IQGAP3: variants seen among roughly 807,000 people sequenced by gnomAD.
IQGAP3 encodes the protein IQ motif containing GTPase activating protein 3.
In IQGAP3, 165 loss-of-function variants were observed where a neutral mutation model predicts 208.2. The ratio of observed to expected loss-of-function variants is 0.79; its 90% CI spans 0.70 to 0.90. The LOEUF is 0.90. Among genes scored for constraint, IQGAP3 ranks in the 40% least tolerant of loss-of-function variants. The pLI, the probability that IQGAP3 is intolerant of heterozygous loss-of-function variation, is 0.00. For missense variants in IQGAP3, 1,811 were observed against 2,043.1 expected (o/e 0.89, Z 2.19); for synonymous variants, 703 against 803.6 (o/e 0.87, Z 2.12).
chr1:156,531,125 T>C (rs1175735394), intron 33 of IQGAP3, 35 bp downstream of exon 33: 1 of 1,468,974 alleles, frequency 6.8e-7, no homozygotes, highest in Non-Finnish European at 9.5e-7. Context: ...GGGGGATGAA[T>C]GAGACAGAAC....
In IQGAP3 at chr1:156,528,505, A is replaced by G. The variant is rs923558887; in HGVS notation, c.4673+4T>C. ...CTGACATCCTGCCCTCCAAAGACAC[A>G]TACTGAGAGGCGGGAAGATCTTCAA... is the stretch of plus-strand genomic sequence containing the variant. On this transcript the variant is annotated splice_donor_region_variant and intron_variant, in intron 36 of 37. Transcript: ENST00000361170. 34 of 1,609,946 alleles carry G rather than the reference A, an allele frequency of 2.1e-5. No homozygotes were observed. Among genetic ancestry groups the G allele is most frequent in the Non-Finnish European group, 2.8e-5 (33 of 1,176,478 alleles).
intron 11 of IQGAP3, among the ~76,000 whole-genome samples, chr1:156,559,379 A>G (rs1014007857): frequency 1.3e-5 from 2 of 152,226 alleles, no homozygotes; most frequent in African/African-American, 4.8e-5. Context: ...GTGGTGCCTC[A>G]ATGTAGTCTG....
Position 156,537,223 on chromosome 1 carries a change from T to C in IQGAP3, c.3380A>G (p.Asp1127Gly). 3 of 1,614,052 alleles carry C rather than the reference T, an allele frequency of 1.9e-6. No individual in the cohort carries two copies. Among genetic ancestry groups the C allele is most frequent in the South Asian group, 1.1e-5 (1 of 91,076 alleles). ...TGAGGTGATGGCTAAAAGGAACTTA[T>C]CAGTCATGGCGAGGAGGTTGCGTAG... ...IALRNLLAMT[D>G]KFLLAITSSV... is the part of the protein sequence containing the mutation. The change falls in exon 27 of 38, where the codon GAT becomes GGT. Residue 1127 changes from aspartate (D) to glycine (G), a missense_variant. Transcript: ENST00000361170.
rs941288549 is a variant in IQGAP3, at chr1:156,544,542, T to C, written c.2305-70A>G. 5.9e-6 allele frequency: 8 copies of C among 1,347,102 alleles called. No individual in the cohort carries two copies. The Admixed American group carries it at 1.0e-4, about 17-fold the overall frequency. 83.4% of individuals were successfully genotyped at this position (1,347,102 alleles called of 1,614,324 possible). ...TTGGCCAGAAAGGCTTTTAAGAAAA[T>C]CTTTGTCCTGGGCCCTCCAGGGAAT... On this transcript the variant is annotated intron_variant, in intron 19 of 37. Coordinates refer to ENST00000361170, the MANE Select transcript of IQGAP3 (RefSeq NM_178229.5).
intron 36 of IQGAP3, 41 bp downstream of exon 36, chr1:156,528,468 G>A (rs371564234): frequency 2.0e-5 from 29 of 1,473,914 alleles, no homozygotes; most frequent in Admixed American, 8.6e-5. Context: ...CAGGTTAGAG[G>A]ACAGGAAGGG....
At chr1:156,563,393 T>C in intron 7 of IQGAP3, 81 bp from the exon 8 acceptor site, 1 of 1,452,406 alleles carries the variant, frequency 6.9e-7, no homozygotes, top group Non-Finnish European at 9.3e-7. Flanking sequence ...CCCACTCTAA[T>C]GTCATCCTTT....
intron 10 of IQGAP3, 113 bp downstream of exon 10, chr1:156,561,725 G>A (rs577051170): frequency 3.4e-5 from 35 of 1,041,794 alleles, no homozygotes; most frequent in South Asian, 2.6e-4. Flanking sequence ...ATTTAAACAC[G>A]TAGTCAGCAC....
At chr1:156,561,261 C>T (rs946121135) in intron 10 of IQGAP3, among the ~76,000 whole-genome samples, 1 of 152,062 alleles carries the variant, frequency 6.6e-6, no homozygotes, top group African/African-American at 2.4e-5. Context: ...CTCTGCCTCC[C>T]GGGTTCAAGC....
intron 19 of IQGAP3, among the ~76,000 whole-genome samples, chr1:156,545,971 G>A (rs990566408): frequency 2.6e-5 from 4 of 152,278 alleles, no homozygotes; most frequent in African/African-American, 7.2e-5. Flanking sequence ...GGCTTACACG[G>A]CCCCTCTGTT....
intron 26 of IQGAP3, among the ~76,000 whole-genome samples, chr1:156,537,723 C>G (rs1571321288): frequency 6.6e-6 from 1 of 152,112 alleles, no homozygotes; most frequent in Non-Finnish European, 1.5e-5. Context: ...ACCAGGATTG[C>G]CTGCTCGCCT....
chr1:156,559,185 T>C (rs1214199825), intron 11 of IQGAP3, among the ~76,000 whole-genome samples: 2 of 151,854 alleles, frequency 1.3e-5, no homozygotes, highest in African/African-American at 4.9e-5. Flanking sequence ...GTGGCTGTCA[T>C]AGCAGAGGGT....
chr1:156,569,525 G>T, intron 1 of IQGAP3, 62 bp from the exon 2 acceptor site: 1 of 554,698 alleles, frequency 1.8e-6, no homozygotes, highest in Middle Eastern at 3.9e-4. Context: ...AGCACTGAAG[G>T]GTCTTTTTTT....
chr1:156,533,868 A>C lies in IQGAP3; in HGVS notation c.3881T>G (p.Leu1294Arg). 6.2e-7 allele frequency: 1 copy of C among 1,610,300 alleles called. No homozygotes were observed. The highest frequency in any genetic ancestry group is 1.3e-5 in the African/African-American group (1 of 74,978). The change falls in exon 31 of 38, where the codon CTG (leucine) becomes CGG (arginine). Residue 1294 changes from leucine to arginine, a missense_variant. Transcript: ENST00000361170. ...AGGGGCAATGCAGTCCTGGTGCTCC[A>C]GCAACAGCTGCAGGACGGAGAAAGA... ...GELVNTHRLLLEHQDCIAPDH... is the reference protein window; with the variant it reads ...GELVNTHRLLREHQDCIAPDH...
intron 26 of IQGAP3, among the ~76,000 whole-genome samples, 154 bp from the exon 27 acceptor site, chr1:156,537,475 G>A (rs1674746324): frequency 6.6e-6 from 1 of 152,208 alleles, no homozygotes; most frequent in Non-Finnish European, 1.5e-5. Context: ...GCCAGAATGA[G>A]AGAAAGGACT....
chr1:156,560,651 G>A (rs1033052559), intron 11 of IQGAP3, among the ~76,000 whole-genome samples: 1 of 152,228 alleles, frequency 6.6e-6, no homozygotes, highest in Non-Finnish European at 1.5e-5. Flanking sequence ...GGTTGAAACT[G>A]TCAAAATTAC....
intron 10 of IQGAP3, among the ~76,000 whole-genome samples, chr1:156,561,403 G>A (rs1676145562): frequency 6.6e-6 from 1 of 152,150 alleles, no homozygotes. Flanking sequence ...CTGACCTCAA[G>A]TGATCCACCC....
At chr1:156,539,278 C>T (rs1674862335) in intron 25 of IQGAP3, 96 bp downstream of exon 25, 1 of 1,199,640 alleles carries the variant, frequency 8.3e-7, no homozygotes, top group East Asian at 2.4e-5. Context: ...TCCATTTCTA[C>T]CCTTAGGCCT....
Position 156,525,417 on chromosome 1 carries a change from C to G in IQGAP3, c.*1069G>C, listed in dbSNP as rs1358623713. On this transcript the variant is annotated 3_prime_UTR_variant, in exon 38 of 38. Coordinates refer to ENST00000361170, the MANE Select transcript of IQGAP3 (RefSeq NM_178229.5). ...TTAACAACAGATGTGGGAGTAACAG[C>G]TGCTTTTATTAACATCAGAAGGGCA... 1 of 152,526 alleles carries G rather than the reference C, an allele frequency of 6.6e-6. No homozygotes were observed. The highest frequency in any genetic ancestry group is 1.5e-5 in the Non-Finnish European group (1 of 68,036). The allele number at this position is 152,526 out of a possible 1,614,324, so 9.4% of individuals were successfully genotyped here.
At chr1:156,532,848 T>C in intron 32 of IQGAP3, 132 bp downstream of exon 32, 1 of 907,810 alleles carries the variant, frequency 1.1e-6, no homozygotes, top group Non-Finnish European at 1.7e-6. Context: ...AAAGGTAGGC[T>C]TCAGGGAGAA....
Sources: allele counts gnomAD v4.1 joint callset (sites outside exome capture counted in the v4.1 genomes callset), GRCh38; gene constraint gnomAD v4.1.1; transcripts MANE v1.5; gene names NCBI Gene and HGNC (gene_info 2026-07-23, HGNC 2026-07-21).